NCKAP5: variants seen among roughly 807,000 people sequenced by gnomAD.
The protein encoded by NCKAP5 is nck-associated protein 5.
NCKAP5 carries 92 observed loss-of-function variants against 167.0 expected under a neutral mutation model. The observed-to-expected ratio is 0.55, with a 90% CI of 0.47 to 0.66. The LOEUF (loss-of-function observed/expected upper bound fraction) is 0.66. Ranked by LOEUF, NCKAP5 falls within the 30% of genes least tolerant of loss-of-function variation. The probability of loss-of-function intolerance (pLI) is 0.00; values close to 1 mark genes in which losing one functional copy is unlikely to be tolerated. For synonymous variants in NCKAP5, 891 were observed against 877.4 expected, an observed-to-expected ratio of 1.02 and a Z score of -0.27; for missense variants, 2,378 against 2,315.0, an observed-to-expected ratio of 1.03 and a Z score of -0.56.
At chr2:132,844,462 G>C (rs1688522450) in intron 11 of NCKAP5, among the ~76,000 whole-genome samples, 1 of 151,948 alleles carries the variant, frequency 6.6e-6, no homozygotes, top group South Asian at 2.1e-4. Flanking sequence ...TATTTTCCAT[G>C]TGCTTACGTA....
At chr2:133,539,849 A>C (rs1686075160) in intron 2 of NCKAP5, among the ~76,000 whole-genome samples, 1 of 152,224 alleles carries the variant, frequency 6.6e-6, no homozygotes. Flanking sequence ...CCTAAGAGAT[A>C]AGGGCTGAGA....
chr2:133,426,595 A>G (rs1329869634), intron 3 of NCKAP5, among the ~76,000 whole-genome samples: 1 of 152,250 alleles, frequency 6.6e-6, no homozygotes, highest in African/African-American at 2.4e-5. Flanking sequence ...ACAAAGTATT[A>G]GCCAAATAAT....
the NCKAP5 span, among the ~76,000 whole-genome samples, chr2:133,606,484 T>G: frequency 6.6e-6 from 1 of 152,138 alleles, no homozygotes; most frequent in African/African-American, 2.4e-5. Context: ...CTGAAAAATT[T>G]TAAAATACCC....
chr2:133,576,190 G>T, the NCKAP5 span, among the ~76,000 whole-genome samples: 2 of 151,338 alleles, frequency 1.3e-5, no homozygotes, highest in Non-Finnish European at 2.9e-5. Context: ...CAGAAACTTG[G>T]CTGCCATTCT....
At chr2:133,137,032 A>G (rs2082811443) in intron 5 of NCKAP5, among the ~76,000 whole-genome samples, 2 of 152,200 alleles carry the variant, frequency 1.3e-5, no homozygotes, top group Non-Finnish European at 2.9e-5. Context: ...CTAGTTTTTA[A>G]TGGGAAAACT....
chr2:132,895,203 C>A (rs6711152), intron 8 of NCKAP5, among the ~76,000 whole-genome samples: 2 of 151,592 alleles, frequency 1.3e-5, no homozygotes, highest in African/African-American at 2.4e-5. Flanking sequence ...TGGTGGCGGG[C>A]GCCTGTAGTC....
At chr2:132,858,514 T>G (rs532797977) in intron 11 of NCKAP5, among the ~76,000 whole-genome samples, 5 of 152,230 alleles carry the variant, frequency 3.3e-5, no homozygotes, top group African/African-American at 1.2e-4. Context: ...TATCAGAAAA[T>G]GAAAAGCCAT....
chr2:133,590,926 T>TGA, the NCKAP5 span, among the ~76,000 whole-genome samples: 9 of 150,940 alleles, frequency 6.0e-5, no homozygotes, highest in East Asian at 7.8e-4. Context: ...CATGTGTGTG[T>TGA]GAGAGAGAGA....
chr2:133,665,643 C>T, the NCKAP5 span, among the ~76,000 whole-genome samples: 2 of 152,170 alleles, frequency 1.3e-5, no homozygotes, highest in Admixed American at 6.5e-5. Flanking sequence ...AAAATGATCA[C>T]ATGCTGTTGG....
At chr2:133,547,497 A>G (rs1037264804) in intron 2 of NCKAP5, among the ~76,000 whole-genome samples, 14 of 152,116 alleles carry the variant, frequency 9.2e-5, no homozygotes, top group African/African-American at 3.1e-4. Context: ...CTTTGAAGAG[A>G]GCAGTGGTTC....
At chr2:133,673,475 C>T in the NCKAP5 span, among the ~76,000 whole-genome samples, 1 of 152,188 alleles carries the variant, frequency 6.6e-6, no homozygotes, top group African/African-American at 2.4e-5. Context: ...AGCAGAAAGC[C>T]TATTCCCTCC....
intron 3 of NCKAP5, among the ~76,000 whole-genome samples, chr2:133,508,621 C>T (rs763916109): frequency 1.3e-5 from 2 of 152,160 alleles, no homozygotes; most frequent in Non-Finnish European, 2.9e-5. Context: ...AGGTTTGGGA[C>T]CAGCTTCTAA....
chr2:132,693,802 T>G (rs1294165713), intron 19 of NCKAP5, among the ~76,000 whole-genome samples: 4 of 151,842 alleles, frequency 2.6e-5, no homozygotes, highest in African/African-American at 9.7e-5. Context: ...ATTTTTGTAT[T>G]TTTAGTAGAG....
intron 3 of NCKAP5, among the ~76,000 whole-genome samples, chr2:133,494,176 T>C (rs1681720854): frequency 6.6e-6 from 1 of 152,210 alleles, no homozygotes; most frequent in African/African-American, 2.4e-5. Flanking sequence ...ACCATTTGCC[T>C]CTGCAATTTG....
At chr2:133,345,078 T>A (rs1307272399) in intron 3 of NCKAP5, among the ~76,000 whole-genome samples, 1 of 152,120 alleles carries the variant, frequency 6.6e-6, no homozygotes, top group Non-Finnish European at 1.5e-5. Flanking sequence ...GGAGGCAACC[T>A]TTTATAGAAA....
intron 4 of NCKAP5, among the ~76,000 whole-genome samples, chr2:133,236,070 C>CACAAAAA (rs2087401384): frequency 6.4e-5 from 1 of 15,656 alleles, no homozygotes; most frequent in African/African-American, 1.4e-4. Context: ...TGTCTCAGAC[C>CACAAAAA]AAAAAAAAAA....
chr2:133,054,589 G>A (rs1252100497), intron 6 of NCKAP5, among the ~76,000 whole-genome samples: 2 of 152,210 alleles, frequency 1.3e-5, no homozygotes, highest in Non-Finnish European at 2.9e-5. Flanking sequence ...GGTAGATGGA[G>A]TGAAGTCACA....
chr2:133,016,579 A>G (rs1559053666), intron 6 of NCKAP5, among the ~76,000 whole-genome samples: 1 of 152,376 alleles, frequency 6.6e-6, no homozygotes, highest in East Asian at 1.9e-4. Context: ...TTAATGCTAT[A>G]GAAGAAAGCG....
intron 12 of NCKAP5, among the ~76,000 whole-genome samples, chr2:132,793,631 C>G (rs1684248331): frequency 6.6e-6 from 1 of 152,192 alleles, no homozygotes; most frequent in Non-Finnish European, 1.5e-5. Context: ...TGTGAGTTCC[C>G]TAGCAGCACG....
Sources: allele counts gnomAD v4.1 joint callset (sites outside exome capture counted in the v4.1 genomes callset), GRCh38; gene constraint gnomAD v4.1.1; transcripts MANE v1.5; gene names NCBI Gene and HGNC (gene_info 2026-07-23, HGNC 2026-07-21).